The following RSPO2 variants were observed in gnomAD, a reference collection of about 807,000 sequenced individuals.
RSPO2 encodes the protein R-spondin 2.
Under a neutral mutation model 30.9 loss-of-function variants are expected in RSPO2, and 14 were observed. The ratio of observed to expected loss-of-function variants is 0.45; its 90% CI spans 0.30 to 0.71. The LOEUF is 0.71. Ranked by LOEUF, RSPO2 falls within the 30% of genes least tolerant of loss-of-function variation. RSPO2 has a pLI of 0.08. For missense variants in RSPO2, 264 were observed against 301.9 expected, an observed-to-expected ratio of 0.87 and a Z score of 0.93; for synonymous variants, 107 against 96.4, an observed-to-expected ratio of 1.11 and a Z score of -0.64.
chr8:108,076,552 G>A lies in RSPO2; in HGVS notation c.94+5993C>T, dbSNP rs931431403. ...AGTTTAGGCAAGAACAAACTGATAC[G>A]AGGCAACAGAAAAGTCAAAGACTAT... On this transcript the variant is annotated intron_variant, in intron 2 of 5. Transcript: ENST00000276659. Among the ~76,000 whole-genome samples, 4 of 152,120 alleles carry A rather than the reference G, an allele frequency of 2.6e-5. No homozygotes were observed. The South Asian group carries it at 6.2e-4, about 24-fold the overall frequency.
chr8:108,054,883 G>A (rs1359336482), intron 2 of RSPO2, among the ~76,000 whole-genome samples: 2 of 152,158 alleles, frequency 1.3e-5, no homozygotes, highest in African/African-American at 4.8e-5. Flanking sequence ...GAAGCCTGGG[G>A]TGGGCAGATC....
intron 4 of RSPO2, among the ~76,000 whole-genome samples, chr8:107,959,896 T>A (rs1813565565): frequency 6.6e-6 from 1 of 152,214 alleles, no homozygotes; most frequent in African/African-American, 2.4e-5. Flanking sequence ...CAACTTTTCT[T>A]CTAAGTCTCC....
intron 2 of RSPO2, 44 bp downstream of exon 2, chr8:108,082,501 C>A (rs1563596050): frequency 1.3e-6 from 2 of 1,500,024 alleles, no homozygotes; most frequent in East Asian, 4.5e-5. Flanking sequence ...CTCCACACGC[C>A]ACCCCTGAAG....
At chr8:108,022,828 G>T in intron 2 of RSPO2, among the ~76,000 whole-genome samples, 1 of 151,898 alleles carries the variant, frequency 6.6e-6, no homozygotes, top group East Asian at 1.9e-4. Flanking sequence ...AGGAGGCTGA[G>T]GCAGGAGAAT....
intron 2 of RSPO2, among the ~76,000 whole-genome samples, chr8:108,027,252 G>C (rs2130625338): frequency 6.6e-6 from 1 of 152,320 alleles, no homozygotes; most frequent in Non-Finnish European, 1.5e-5. Flanking sequence ...ATTCTCAGTA[G>C]TTAGATTTAT....
intron 3 of RSPO2, among the ~76,000 whole-genome samples, chr8:107,965,609 A>G (rs1813775853): frequency 6.6e-6 from 1 of 152,070 alleles, no homozygotes; most frequent in South Asian, 2.1e-4. Context: ...TAGAGACAGA[A>G]AAGGGACCAA....
intron 2 of RSPO2, among the ~76,000 whole-genome samples, chr8:108,001,941 G>A (rs1216272090): frequency 6.6e-6 from 1 of 152,062 alleles, no homozygotes; most frequent in African/African-American, 2.4e-5. Flanking sequence ...ACGCATGCCG[G>A]GCTTAAAACC....
chr8:107,980,735 A>G (rs927267303), intron 3 of RSPO2, among the ~76,000 whole-genome samples: 2 of 152,096 alleles, frequency 1.3e-5, no homozygotes, highest in African/African-American at 4.8e-5. Flanking sequence ...CTCGCCACCC[A>G]GGTTAGATGG....
In RSPO2 at chr8:108,077,918, A is replaced by C. The variant is rs573091896; in HGVS notation, c.94+4627T>G. ...CAGAGTAGTTATCAAGCTTATATCA[A>C]ATAAAATCTGTCTGTCCCCTACTTC... On this transcript the variant is annotated intron_variant, in intron 2 of 5. Transcript: ENST00000276659. Among the ~76,000 whole-genome samples, 11 of 152,298 alleles carry C rather than the reference A, an allele frequency of 7.2e-5. No individual in the cohort carries two copies. In the South Asian group the frequency reaches 1.9e-3, roughly 26 times the overall value.
chr8:108,066,893 G>A (rs966175702), intron 2 of RSPO2, among the ~76,000 whole-genome samples: 6 of 152,104 alleles, frequency 3.9e-5, no homozygotes, highest in South Asian at 2.1e-4. Context: ...ATGGCACAAC[G>A]AGACATTGTG....
At chr8:107,986,689 C>A (rs1396458476) in intron 3 of RSPO2, among the ~76,000 whole-genome samples, 1 of 152,122 alleles carries the variant, frequency 6.6e-6, no homozygotes, top group Non-Finnish European at 1.5e-5. Flanking sequence ...ACCCTATTGT[C>A]CATATAAGTA....
intron 2 of RSPO2, among the ~76,000 whole-genome samples, chr8:108,014,845 A>T (rs1391143574): frequency 1.4e-5 from 1 of 71,536 alleles, no homozygotes; most frequent in African/African-American, 6.0e-5. Flanking sequence ...AAAGTATAAT[A>T]AAAAAAAAAA....
intron 5 of RSPO2, among the ~76,000 whole-genome samples, chr8:107,951,440 A>G (rs1813244099): frequency 6.6e-6 from 1 of 152,108 alleles, no homozygotes; most frequent in African/African-American, 2.4e-5. Context: ...TCCTGCACGG[A>G]GGGGGAAAAA....
intron 2 of RSPO2, among the ~76,000 whole-genome samples, chr8:108,058,378 A>G (rs1465246640): frequency 6.6e-6 from 1 of 152,166 alleles, no homozygotes; most frequent in African/African-American, 2.4e-5. Context: ...AACATTCCAT[A>G]CTCATGGGTA....
intron 2 of RSPO2, among the ~76,000 whole-genome samples, chr8:107,999,822 A>T (rs1815169202): frequency 6.6e-6 from 1 of 152,156 alleles, no homozygotes; most frequent in South Asian, 2.1e-4. Flanking sequence ...TTCCAAAAAA[A>T]AAAAATGAAG....
intron 5 of RSPO2, among the ~76,000 whole-genome samples, chr8:107,951,296 C>T (rs1813238500): frequency 6.6e-6 from 1 of 152,080 alleles, no homozygotes; most frequent in African/African-American, 2.4e-5. Flanking sequence ...TCAGGATCTT[C>T]CTGCCTTGTG....
chr8:107,949,260 G>GT (rs1441001526), intron 5 of RSPO2, among the ~76,000 whole-genome samples: 1 of 152,010 alleles, frequency 6.6e-6, no homozygotes. Context: ...ACAATATCTG[G>GT]TTTTTTGTTT....
intron 5 of RSPO2, among the ~76,000 whole-genome samples, chr8:107,933,120 C>T (rs576504): frequency 0.78 from 117,887 of 151,988 alleles, 45,856 homozygotes; most frequent in East Asian, 0.9. Context: ...AAAAGACTAA[C>T]AGCCATGATG....
chr8:108,016,385 A>G (rs887267200), intron 2 of RSPO2, among the ~76,000 whole-genome samples: 1 of 152,222 alleles, frequency 6.6e-6, no homozygotes, highest in Admixed American at 6.5e-5. Context: ...GAAGCAGGCT[A>G]TAAAGCAGCC....
Sources: gnomAD v4.1 joint callset for allele counts (sites outside exome capture counted in the v4.1 genomes callset) on GRCh38, gnomAD v4.1.1 for gene constraint, MANE v1.5 for transcripts, NCBI Gene and HGNC (gene_info 2026-07-23, HGNC 2026-07-21) for gene names.